The following NCKAP1 variants were observed in gnomAD, a reference collection of about 807,000 sequenced individuals.
NCKAP1 encodes nck-associated protein 1.
A neutral mutation model predicts 151.2 loss-of-function variants in NCKAP1; 21 were observed. The observed-to-expected ratio is 0.14, with a 90% confidence interval of 0.10 to 0.20. The LOEUF is 0.20. Ranked by LOEUF, NCKAP1 falls within the 10% of genes least tolerant of loss-of-function variation. NCKAP1 has a pLI of 1.00. For synonymous variants in NCKAP1, 484 were observed against 451.8 expected, an observed-to-expected ratio of 1.07 and a Z score of -0.90; for missense variants, 933 against 1,352.1, an observed-to-expected ratio of 0.69 and a Z score of 4.86.
At chr2:182,951,807 A>G (rs1697223837) in intron 23 of NCKAP1, among the ~76,000 whole-genome samples, 1 of 152,132 alleles carries the variant, frequency 6.6e-6, no homozygotes, top group South Asian at 2.1e-4. Context: ...CTACATAGTT[A>G]TTATATATAC....
rs752896580 is a variant in NCKAP1, at chr2:183,003,293, T to C, written c.252A>G (p.Ser84=). 15 of 1,599,816 alleles carry C rather than the reference T, an allele frequency of 9.4e-6. No individual in the cohort carries two copies. The highest frequency in any genetic ancestry group is 1.2e-5 in the Non-Finnish European group (14 of 1,172,870). ...QQLAQLQKEK[S]EILKNLALYY... ...ATAATGCCAGATTTTTCAGAATCTC[T>C]GATTTTTCTTTCTGTAGTTGTGCAA... Residue 84 remains serine (S), a synonymous_variant, in exon 3 of 31, where the codon TCA becomes TCG. Coordinates refer to ENST00000361354, the MANE Select transcript of NCKAP1 (RefSeq NM_013436.5).
At chr2:182,940,532 C>T (rs1236809280) in intron 24 of NCKAP1, among the ~76,000 whole-genome samples, 1 of 152,088 alleles carries the variant, frequency 6.6e-6, no homozygotes. Context: ...CTCCATCTCC[C>T]GGGTTCAAGC....
chr2:183,026,445 C>CTGTAATCACACACA (rs1698898970), intron 1 of NCKAP1, among the ~76,000 whole-genome samples: 2 of 150,924 alleles, frequency 1.3e-5, no homozygotes, highest in African/African-American at 4.9e-5. Flanking sequence ...TGTACCGCAG[C>CTGTAATCACACACA]CTGAGCCACA....
chr2:182,990,487 AAT>A (rs2105863452), intron 8 of NCKAP1, among the ~76,000 whole-genome samples: 1 of 152,274 alleles, frequency 6.6e-6, no homozygotes, highest in South Asian at 2.1e-4. Context: ...ATGAATTCTA[AAT>A]ATCTTTTTTA....
At chr2:183,037,967 C>G in intron 1 of NCKAP1, 25 bp downstream of exon 1, 1 of 1,557,026 alleles carries the variant, frequency 6.4e-7, no homozygotes, top group Non-Finnish European at 8.6e-7. Context: ...CCGCCTCCGC[C>G]GCGGCCTCCC....
chr2:182,988,738 T>C (rs916170597), intron 9 of NCKAP1, among the ~76,000 whole-genome samples: 2 of 152,198 alleles, frequency 1.3e-5, no homozygotes, highest in African/African-American at 4.8e-5. Flanking sequence ...TACTTTTGCA[T>C]CTAAAATCAT....
chr2:183,030,485 T>C (rs553378056), intron 1 of NCKAP1, among the ~76,000 whole-genome samples: 33 of 152,122 alleles, frequency 2.2e-4, no homozygotes, highest in Non-Finnish European at 3.1e-4. Context: ...ACTGAAAAAA[T>C]ATGAACAAGA....
In NCKAP1 at chr2:182,909,328, T is replaced by G. The variant is rs1696352976; in HGVS notation, c.*16374A>C. On this transcript the variant is annotated 3_prime_UTR_variant, in exon 31 of 31. Transcript: ENST00000361354. ...CTTTTTCGTCTTCCCCAACTGAAAC[T>G]CTGTTCCCTTCATACACCTTCTCTT... 1 of 152,178 alleles carries G rather than the reference T, an allele frequency of 6.6e-6. No homozygotes were observed. Among genetic ancestry groups the G allele is most frequent in the African/African-American group, 2.4e-5 (1 of 41,438 alleles). The allele number at this position is 152,178 out of a possible 1,614,324, so 9.4% of individuals were successfully genotyped here.
At chr2:183,037,909 C>T (rs942921556) in intron 1 of NCKAP1, 83 bp downstream of exon 1, 4 of 1,094,858 alleles carry the variant, frequency 3.7e-6, no homozygotes, top group Non-Finnish European at 5.0e-6. Context: ...CGCCTCCTGC[C>T]GCCCCCACCC....
rs1696541628 is a variant in NCKAP1, at chr2:182,920,931, T to C, written c.*4771A>G. ...ATAATGAAAGTAAACAAGGGCAACA[T>C]TATCTTAGGTTTGTCTCTGAAAACA... On this transcript the variant is annotated 3_prime_UTR_variant, in exon 31 of 31. Coordinates refer to ENST00000361354, the MANE Select transcript of NCKAP1 (RefSeq NM_013436.5). The C allele has an allele frequency of 1.3e-5, 2 of 151,992 alleles. No individual in the cohort carries two copies. The highest frequency in any genetic ancestry group is 4.2e-4 in the South Asian group (2 of 4,816). The allele number at this position is 151,992 out of a possible 1,614,324, so 9.4% of individuals were successfully genotyped here.
At position 182,952,868 on chromosome 2, in the gene NCKAP1, C is replaced by T. The variant is rs144316878; in HGVS notation, c.2428G>A (p.Ala810Thr). 14 of 1,612,148 alleles carry T rather than the reference C, an allele frequency of 8.7e-6. No individual in the cohort carries two copies. The highest frequency in any genetic ancestry group is 1.0e-5 in the Non-Finnish European group (12 of 1,179,072). ...VSNGHIAYFP[A>T]MKAFVNLPTE... Reference sequence around the variant, plus strand: ...GGTAAGTTCACAAACGCTTTCATTGCAGGAAAATATGCTATATGGCCATTG... The same window carrying T: ...GGTAAGTTCACAAACGCTTTCATTGTAGGAAAATATGCTATATGGCCATTG... The change falls in exon 22 of 31, where the codon GCA becomes ACA. Residue 810 changes from alanine (A) to threonine (T), a missense_variant. Ala to Thr is a moderately conservative substitution (Grantham distance 58). This residue lies in a region of NCKAP1 where 326 missense variants were observed against 557.1 expected (regional missense o/e 0.59). Transcript: ENST00000361354.
chr2:182,940,498 G>A (rs1696974755), intron 24 of NCKAP1, among the ~76,000 whole-genome samples: 1 of 151,874 alleles, frequency 6.6e-6, no homozygotes, highest in African/African-American at 2.4e-5. Context: ...GTAGTGCAAT[G>A]GTGCTATCTC....
At chr2:183,018,110 G>T (rs370512773) in intron 2 of NCKAP1, among the ~76,000 whole-genome samples, 2 of 152,030 alleles carry the variant, frequency 1.3e-5, no homozygotes, top group Non-Finnish European at 2.9e-5. Context: ...AGGCGGGCGT[G>T]GTGGCAGGCA....
chr2:182,934,876 G>C, intron 25 of NCKAP1, 44 bp from the exon 26 acceptor site: 1 of 909,318 alleles, frequency 1.1e-6, no homozygotes, highest in Non-Finnish European at 1.7e-6. Context: ...TTTTTAAATG[G>C]CAACCCCTAA....
chr2:183,001,714 T>C (rs1334628440), intron 6 of NCKAP1, among the ~76,000 whole-genome samples: 1 of 152,180 alleles, frequency 6.6e-6, no homozygotes, highest in African/African-American at 2.4e-5. Context: ...TATTGTTTAG[T>C]GCTATATTAA....
intron 23 of NCKAP1, among the ~76,000 whole-genome samples, 163 bp downstream of exon 23, chr2:182,952,242 A>C (rs1030868567): frequency 3.9e-5 from 6 of 152,190 alleles, no homozygotes; most frequent in Non-Finnish European, 8.8e-5. Context: ...AAACTAAACT[A>C]AGATGCCATA....
chr2:182,927,671 T>C (rs1037095296), intron 29 of NCKAP1, among the ~76,000 whole-genome samples: 1 of 152,076 alleles, frequency 6.6e-6, no homozygotes, highest in African/African-American at 2.4e-5. Flanking sequence ...ATTAATTGTC[T>C]TTCTCCAAAG....
chr2:182,971,088 A>C (rs1189840621), intron 15 of NCKAP1, among the ~76,000 whole-genome samples: 2 of 152,182 alleles, frequency 1.3e-5, no homozygotes, highest in Non-Finnish European at 2.9e-5. Context: ...AAACTGAAGA[A>C]GACACAAAGA....
intron 12 of NCKAP1, among the ~76,000 whole-genome samples, chr2:182,981,766 G>A (rs1055427314): frequency 3.3e-5 from 5 of 151,764 alleles, no homozygotes; most frequent in Admixed American, 3.3e-4. Flanking sequence ...AAAGTTAGCT[G>A]GGCATGGTGG....
Sources: gnomAD v4.1 joint callset for allele counts (sites outside exome capture counted in the v4.1 genomes callset) on GRCh38, gnomAD v4.1.1 for gene constraint, gnomAD v4.1.1 regional missense constraint, MANE v1.5 for transcripts, NCBI Gene and HGNC (gene_info 2026-07-23, HGNC 2026-07-21) for gene names.